Variants in SLAMF1 observed in about 807,000 individuals in gnomAD.
SLAMF1 encodes signaling lymphocytic activation molecule.
Under a neutral mutation model 35.1 loss-of-function variants are expected in SLAMF1, and 18 were observed. The observed-to-expected ratio is 0.51, with a 90% CI of 0.35 to 0.76. SLAMF1 has a LOEUF of 0.76. SLAMF1 is among the 30% of genes least tolerant of loss of function. The probability of loss-of-function intolerance (pLI) is 0.01; values close to 1 mark genes in which losing one functional copy is unlikely to be tolerated. For missense variants in SLAMF1, 392 were observed against 413.0 expected, an observed-to-expected ratio of 0.95 and a Z score of 0.44; for synonymous variants, 168 against 157.2, an observed-to-expected ratio of 1.07 and a Z score of -0.51.
rs903554250 is a variant in SLAMF1, at chr1:160,609,043, G to A, written c.*1705C>T. 2 of 152,160 alleles carry A rather than the reference G, an allele frequency of 1.3e-5. No individual in the cohort carries two copies. The highest frequency in any genetic ancestry group is 4.8e-5 in the African/African-American group (2 of 41,400). The allele number at this position is 152,160 out of a possible 1,614,324, so 9.4% of individuals were successfully genotyped here. A position where few individuals can be genotyped will look rare whatever the true frequency, so the allele number is the denominator to read the frequency against. The stretch of plus-strand genomic sequence containing the variant: ...AAGCTAGAGATGAAAGGATGAAGAA[G>A]GGACCCTGGAGAATTCATTTTCATG... On this transcript the variant is annotated 3_prime_UTR_variant, in exon 7 of 7. Coordinates refer to ENST00000302035, the MANE Select transcript of SLAMF1 (RefSeq NM_003037.5).
chr1:160,643,729 T>C (rs182882150), intron 1 of SLAMF1, among the ~76,000 whole-genome samples: 1 of 152,374 alleles, frequency 6.6e-6, no homozygotes, highest in African/African-American at 2.4e-5. Flanking sequence ...GGGATATGTA[T>C]CACCTTGAGT....
intron 1 of SLAMF1, among the ~76,000 whole-genome samples, chr1:160,644,590 C>T (rs1224947440): frequency 6.6e-6 from 1 of 152,196 alleles, no homozygotes; most frequent in East Asian, 1.9e-4. Context: ...GTTTTCCCCA[C>T]ACCTTGCACC....
In SLAMF1 at chr1:160,638,695, G is replaced by A. The variant is rs189540393; in HGVS notation, c.77-1166C>T. 8.5e-5 allele frequency among the ~76,000 whole-genome samples: 13 copies of A among 152,108 alleles called. No homozygotes were observed. The East Asian group carries it at 1.5e-3, about 18-fold the overall frequency. On this transcript the variant is annotated intron_variant, in intron 1 of 6. Coordinates refer to ENST00000302035, the MANE Select transcript of SLAMF1 (RefSeq NM_003037.5). ...AAACAGGTGTTCTTCCCCACTGCTC[G>A]CTGGAACCACCTTTGTCAAGGTCAC...
At chr1:160,643,406 T>C (rs905191296) in intron 1 of SLAMF1, among the ~76,000 whole-genome samples, 2 of 152,192 alleles carry the variant, frequency 1.3e-5, no homozygotes, top group Non-Finnish European at 2.9e-5. Context: ...CCCTGGGCGC[T>C]CTACCTAGGG....
intron 3 of SLAMF1, among the ~76,000 whole-genome samples, chr1:160,626,369 A>G (rs1440723382): frequency 6.6e-6 from 1 of 152,118 alleles, no homozygotes; most frequent in African/African-American, 2.4e-5. Context: ...GGCCCTCTCT[A>G]TCTTTTCTAG....
rs1660498801 is a variant in SLAMF1, at chr1:160,637,244, G to T, written c.362C>A (p.Thr121Asn). ...RKEDEGWYLM[T>N]LEKNVSVQRF... ...CTGAACTGAAACATTTTTCTCCAGGGTCATAAGGTACCATCCCTCATCCTC... is the reference window on the plus strand; with the variant it reads ...CTGAACTGAAACATTTTTCTCCAGGTTCATAAGGTACCATCCCTCATCCTC... Residue 121 changes from threonine (T) to asparagine (N), a missense_variant, in exon 2 of 7, where the codon ACC becomes AAC. Physicochemically the swap from Thr to Asn is moderately conservative, Grantham distance 65. Transcript: ENST00000302035. 1.2e-6 allele frequency: 2 copies of T among 1,613,916 alleles called. No individual in the cohort carries two copies. Among genetic ancestry groups the T allele is most frequent in the Admixed American group, 1.7e-5 (1 of 59,992 alleles).
chr1:160,620,022 C>T (rs1406924839), intron 4 of SLAMF1, among the ~76,000 whole-genome samples, 173 bp from the exon 5 acceptor site: 12 of 152,190 alleles, frequency 7.9e-5, no homozygotes, highest in Admixed American at 7.9e-4. Context: ...AGGTTAGTTA[C>T]TTGATCACTC....
chr1:160,646,809 A>G, intron 1 of SLAMF1, 61 bp downstream of exon 1: 1 of 911,708 alleles, frequency 1.1e-6, no homozygotes, highest in Non-Finnish European at 1.8e-6. Context: ...CCATCCACGA[A>G]GATACGCTGA....
At chr1:160,646,776 A>G (rs1487586312) in intron 1 of SLAMF1, 94 bp downstream of exon 1, 1 of 721,160 alleles carries the variant, frequency 1.4e-6, no homozygotes, top group East Asian at 2.7e-5. Context: ...ACCAAACACA[A>G]TACCCAGCCC....
At chr1:160,623,329 G>C (rs766826939) in intron 4 of SLAMF1, among the ~76,000 whole-genome samples, 22 of 152,154 alleles carry the variant, frequency 1.4e-4, no homozygotes, top group Non-Finnish European at 2.4e-4. Flanking sequence ...TGGAGGAAAT[G>C]AGACACAAGT....
intron 4 of SLAMF1, among the ~76,000 whole-genome samples, chr1:160,621,855 C>CAT (rs1553239726): frequency 2.1e-5 from 3 of 145,210 alleles, no homozygotes; most frequent in East Asian, 2.0e-4. Context: ...TGCGTGAGTG[C>CAT]GTGTGTGTGT....
rs1658803490 is a variant in SLAMF1 at position 160,608,294 on chromosome 1, A to G, written c.*2454T>C. ...ACTGTGCCCAGTTGTACTTCAGAAC[A>G]TCAGTCCCTTCAAACCGAGAATGGG... On this transcript the variant is annotated 3_prime_UTR_variant, in exon 7 of 7. Coordinates refer to ENST00000302035, the MANE Select transcript of SLAMF1 (RefSeq NM_003037.5). 6.6e-6 allele frequency: 1 copy of G among 152,246 alleles called. No homozygotes were observed. 9.4% of individuals were successfully genotyped at this position (152,246 alleles called of 1,614,324 possible).
chr1:160,634,615 G>T lies in SLAMF1; in HGVS notation c.698C>A (p.Ser233Ter). The change falls in exon 3 of 7, where the codon TCA becomes TAA. Residue 233 changes from serine (S) to a stop codon, truncating the protein, a stop_gained and splice_region_variant. Coordinates refer to ENST00000302035, the MANE Select transcript of SLAMF1 (RefSeq NM_003037.5). LOFTEE classifies it high-confidence loss of function. Reference protein sequence around the residue: ...SPWPGCRTDPSETKPWAVYAG... With the variant: ...SPWPGCRTDP The stretch of plus-strand genomic sequence containing the variant: ...CAGGCTGCCACCAGTGTACTCACCT[G>T]AGGGGTCTGTCCTGCATCCGGGCCA... 1.2e-6 allele frequency: 2 copies of T among 1,600,120 alleles called. No individual in the cohort carries two copies. Among genetic ancestry groups the T allele is most frequent in the Non-Finnish European group, 1.7e-6 (2 of 1,171,814 alleles).
intron 3 of SLAMF1, among the ~76,000 whole-genome samples, chr1:160,628,566 C>A (rs182872685): frequency 2.0e-5 from 3 of 152,268 alleles, no homozygotes; most frequent in Admixed American, 2.0e-4. Context: ...ACTTTGATTG[C>A]AAATTCCATG....
intron 4 of SLAMF1, among the ~76,000 whole-genome samples, chr1:160,621,551 T>A (rs1317234654): frequency 1.3e-5 from 1 of 78,576 alleles, no homozygotes. Flanking sequence ...AGAGCAAGAA[T>A]CTATCTCAAA....
chr1:160,644,537 CAG>C (rs1660927998), intron 1 of SLAMF1, among the ~76,000 whole-genome samples: 1 of 152,200 alleles, frequency 6.6e-6, no homozygotes, highest in Non-Finnish European at 1.5e-5. Context: ...GCTCTCAGTA[CAG>C]ACACAGTGTC....
intron 1 of SLAMF1, among the ~76,000 whole-genome samples, chr1:160,641,435 G>A (rs1660739258): frequency 6.6e-6 from 1 of 150,592 alleles, no homozygotes; most frequent in Non-Finnish European, 1.5e-5. Flanking sequence ...GGAGAAAGAG[G>A]GATATAAGAG....
chr1:160,625,043 TCTC>T (rs1454274679), intron 3 of SLAMF1, among the ~76,000 whole-genome samples: 11 of 152,220 alleles, frequency 7.2e-5, no homozygotes, highest in Non-Finnish European at 1.3e-4. Flanking sequence ...CACTCATTAT[TCTC>T]ATTTTATGGA....
At chr1:160,644,840 C>G (rs1660948928) in intron 1 of SLAMF1, among the ~76,000 whole-genome samples, 1 of 152,086 alleles carries the variant, frequency 6.6e-6, no homozygotes, top group Non-Finnish European at 1.5e-5. Context: ...AAGTCTAGAA[C>G]CCACGCACTT....
Sources: allele counts gnomAD v4.1 joint callset (sites outside exome capture counted in the v4.1 genomes callset), GRCh38; gene constraint gnomAD v4.1.1; transcripts MANE v1.5; gene names NCBI Gene and HGNC (gene_info 2026-07-23, HGNC 2026-07-21).